The following SIPA1L3 variants were observed in gnomAD, a reference collection of about 807,000 sequenced individuals.
The protein encoded by SIPA1L3 is signal-induced proliferation-associated 1-like protein 3.
In SIPA1L3, 59 loss-of-function variants were observed where a neutral mutation model predicts 150.1. The ratio of observed to expected loss-of-function variants is 0.39; its 90% CI spans 0.32 to 0.49. The LOEUF (loss-of-function observed/expected upper bound fraction) is 0.49. Among genes scored for constraint, SIPA1L3 ranks in the 20% least tolerant of loss-of-function variants. SIPA1L3 has a pLI of 0.86. For missense variants in SIPA1L3, 2,211 were observed against 2,489.5 expected (o/e 0.89, Z 2.38); for synonymous variants, 1,070 against 1,077.6 (o/e 0.99, Z 0.14).
intron 1 of SIPA1L3, among the ~76,000 whole-genome samples, chr19:37,974,818 C>T (rs1967037288): frequency 1.3e-5 from 2 of 152,202 alleles, no homozygotes. Flanking sequence ...GGAATCTCTC[C>T]ATTCCCCATT....
intron 12 of SIPA1L3, among the ~76,000 whole-genome samples, chr19:38,151,337 G>A (rs879258284): frequency 6.6e-6 from 1 of 152,150 alleles, no homozygotes; most frequent in African/African-American, 2.4e-5. Flanking sequence ...GGTTGGCAGG[G>A]ACCTCTCAGG....
intron 1 of SIPA1L3, among the ~76,000 whole-genome samples, chr19:38,005,522 A>G (rs1967920014): frequency 6.6e-6 from 1 of 151,840 alleles, no homozygotes; most frequent in South Asian, 2.1e-4. Flanking sequence ...CCTCCTTCAG[A>G]TGTCTCCTTC....
At chr19:37,975,225 C>CAG (rs1201212106) in intron 1 of SIPA1L3, among the ~76,000 whole-genome samples, 2 of 152,070 alleles carry the variant, frequency 1.3e-5, no homozygotes, top group East Asian at 3.9e-4. Flanking sequence ...AAACAGGAAA[C>CAG]AGAGAGAGAG....
At position 38,198,372 on chromosome 19, in the gene SIPA1L3, C is replaced by T; in HGVS notation, c.4841-17C>T. The T allele has an allele frequency of 6.6e-7, 1 of 1,521,794 alleles. No individual in the cohort carries two copies. The highest frequency in any genetic ancestry group is 8.8e-7 in the Non-Finnish European group (1 of 1,135,846). The allele number at this position is 1,521,794 out of a possible 1,614,324, so 94.3% of individuals were successfully genotyped here. A position where few individuals can be genotyped will look rare whatever the true frequency, so the allele number is the denominator to read the frequency against. The stretch of plus-strand genomic sequence containing the variant: ...TTGTCACACTCAACCACTGCCATCT[C>T]CACCCTCCCCATCCAGCCACCATCT... On this transcript the variant is annotated splice_polypyrimidine_tract_variant and intron_variant, in intron 18 of 21. Transcript: ENST00000222345.
intron 2 of SIPA1L3, among the ~76,000 whole-genome samples, chr19:38,072,522 C>T (rs56039808): frequency 0.068 from 10,405 of 152,306 alleles, 432 homozygotes; most frequent in Middle Eastern, 0.13. Context: ...AGTTCTTCTC[C>T]CATGGTTACG....
intron 1 of SIPA1L3, among the ~76,000 whole-genome samples, chr19:37,961,201 T>C (rs1407495649): frequency 6.6e-6 from 1 of 151,154 alleles, no homozygotes; most frequent in Non-Finnish European, 1.5e-5. Flanking sequence ...AATTTTTCTT[T>C]AGTGATGGGG....
chr19:38,123,838 T>C (rs855628), intron 9 of SIPA1L3, among the ~76,000 whole-genome samples: 61,921 of 107,370 alleles, frequency 0.58, 18,931 homozygotes, highest in East Asian at 0.71. Context: ...CCAGTAGGGG[T>C]GGCCGGGCAG....
At chr19:37,960,301 G>T (rs2046845587) in intron 1 of SIPA1L3, among the ~76,000 whole-genome samples, 1 of 152,164 alleles carries the variant, frequency 6.6e-6, no homozygotes. Flanking sequence ...GCACAGGCTG[G>T]AGTGCACTGA....
At chr19:38,172,966 G>A (rs113587654) in intron 15 of SIPA1L3, among the ~76,000 whole-genome samples, 1 of 152,082 alleles carries the variant, frequency 6.6e-6, no homozygotes, top group Non-Finnish European at 1.5e-5. Context: ...GCTGGGTGTG[G>A]TGGCACACGC....
In SIPA1L3 at chr19:38,046,758, C is replaced by T. The variant is rs567263189; in HGVS notation, c.-311+17602C>T. On this transcript the variant is annotated intron_variant, in intron 2 of 21. Coordinates refer to ENST00000222345, the MANE Select transcript of SIPA1L3 (RefSeq NM_015073.3). The surrounding 1 kb of genome is among the most constrained non-coding windows in gnomAD (Gnocchi z 5.6). ...CCCGGCATCTCCTGTGCCCGAGTGGCGTCTGTCAGTTGCTCAGTAAGTGGA... is the reference window on the plus strand; with the variant it reads ...CCCGGCATCTCCTGTGCCCGAGTGGTGTCTGTCAGTTGCTCAGTAAGTGGA... Among the ~76,000 whole-genome samples, 359 of 152,310 alleles carry T rather than the reference C, an allele frequency of 2.4e-3. 4 individuals are homozygous for T. The highest frequency in any genetic ancestry group is 7.1e-4 in the Non-Finnish European group (48 of 68,014).
rs758908454 is a variant in SIPA1L3 at position 38,082,894 on chromosome 19, C to T, written c.1329C>T (p.Ser443=). 6.2e-7 allele frequency: 1 copy of T among 1,613,298 alleles called. No individual in the cohort carries two copies. The highest frequency in any genetic ancestry group is 1.7e-5 in the Admixed American group (1 of 60,008). The change falls in exon 3 of 22, where the codon AGC becomes AGT. Residue 443 remains serine, a synonymous_variant. Transcript: ENST00000222345. ...GGGGCGAGTGTGAGCGCAACGTGAG[C>T]TTCTCCCGGGCTTCCGTGGGCTCCC... ...EIGGECERNV[S]FSRASVGSPS...
At chr19:38,124,363 G>C (rs181273893) in intron 9 of SIPA1L3, among the ~76,000 whole-genome samples, 3 of 150,438 alleles carry the variant, frequency 2.0e-5, no homozygotes, top group Admixed American at 6.6e-5. Flanking sequence ...CATCCCAGAC[G>C]GGGTGGCGGG....
rs569296983 is a variant in SIPA1L3 at position 37,919,624 on chromosome 19, C to T, written c.-379+12266C>T. Among the ~76,000 whole-genome samples, 4 of 151,664 alleles carry T rather than the reference C, an allele frequency of 2.6e-5. No homozygotes were observed. The East Asian group carries it at 5.8e-4, about 22-fold the overall frequency. ...CAAGCAGGACCATTCTCACTTGTTCCGGCCTCCTCACTCCACACGTGGTCT... is the reference window on the plus strand; with the variant it reads ...CAAGCAGGACCATTCTCACTTGTTCTGGCCTCCTCACTCCACACGTGGTCT... On this transcript the variant is annotated intron_variant, in intron 1 of 21. Coordinates refer to ENST00000222345, the MANE Select transcript of SIPA1L3 (RefSeq NM_015073.3).
chr19:38,128,989 C>A (rs890840662), intron 9 of SIPA1L3, among the ~76,000 whole-genome samples: 1 of 152,170 alleles, frequency 6.6e-6, no homozygotes, highest in Non-Finnish European at 1.5e-5. Flanking sequence ...TCATTTCTAG[C>A]CAGGGGATGA....
chr19:38,113,144 G>C (rs1970804601), intron 8 of SIPA1L3, among the ~76,000 whole-genome samples: 2 of 151,862 alleles, frequency 1.3e-5, no homozygotes, highest in South Asian at 4.2e-4. Flanking sequence ...CCAGGAGGCA[G>C]AGGTTGCAGT....
intron 4 of SIPA1L3, among the ~76,000 whole-genome samples, chr19:38,090,255 G>A (rs1486299060): frequency 6.6e-6 from 1 of 151,600 alleles, no homozygotes. Flanking sequence ...GCTTGAACCC[G>A]GGAGGCAGAG....
intron 1 of SIPA1L3, among the ~76,000 whole-genome samples, chr19:37,968,159 G>A (rs2046922369): frequency 1.3e-5 from 2 of 151,732 alleles, no homozygotes; most frequent in African/African-American, 4.9e-5. Flanking sequence ...TGCAACCTCT[G>A]CCTCCCGGGT....
At chr19:38,070,680 G>A (rs1164245826) in intron 2 of SIPA1L3, among the ~76,000 whole-genome samples, 1 of 152,216 alleles carries the variant, frequency 6.6e-6, no homozygotes, top group East Asian at 1.9e-4. Context: ...GAACATGGTA[G>A]GTGTTTGTTG....
In SIPA1L3 at chr19:38,207,822, C is replaced by G. The variant is rs950012889; in HGVS notation, c.*1582C>G. 6.6e-6 allele frequency: 1 copy of G among 152,576 alleles called. No homozygotes were observed. The highest frequency in any genetic ancestry group is 1.5e-5 in the Non-Finnish European group (1 of 68,126). The allele number at this position is 152,576 out of a possible 1,614,324, so 9.5% of individuals were successfully genotyped here. ...AGAGAAGAGGGTTCTTATCGCGTCTCCTGTGATCAGCCTCTGGCCCCCTGG... is the reference window on the plus strand; with the variant it reads ...AGAGAAGAGGGTTCTTATCGCGTCTGCTGTGATCAGCCTCTGGCCCCCTGG... On this transcript the variant is annotated 3_prime_UTR_variant, in exon 22 of 22. Coordinates refer to ENST00000222345, the MANE Select transcript of SIPA1L3 (RefSeq NM_015073.3).
Sources: allele counts gnomAD v4.1 joint callset (sites outside exome capture counted in the v4.1 genomes callset), GRCh38; gene constraint gnomAD v4.1.1; non-coding constraint Gnocchi (gnomAD v3.1); transcripts MANE v1.5; gene names NCBI Gene and HGNC (gene_info 2026-07-23, HGNC 2026-07-21).